The following PLA2G6 variants were observed in gnomAD, a reference collection of about 807,000 sequenced individuals.
PLA2G6 encodes the protein 85/88 kDa calcium-independent phospholipase A2.
Under a neutral mutation model 83.8 loss-of-function variants are expected in PLA2G6, and 62 were observed. The ratio of observed to expected loss-of-function variants is 0.74; its 90% CI spans 0.60 to 0.91. PLA2G6 has a LOEUF of 0.91. Among genes scored for constraint, PLA2G6 ranks in the 40% least tolerant of loss-of-function variants. The pLI is 0.00. For synonymous variants in PLA2G6, 417 were observed against 449.8 expected (o/e 0.93, Z 0.92); for missense variants, 944 against 1,102.0 (o/e 0.86, Z 2.03).
At position 38,145,668 on chromosome 22, in the gene PLA2G6, C is replaced by T; in HGVS notation, c.210-15G>A. On this transcript the variant is annotated splice_polypyrimidine_tract_variant and intron_variant, in intron 2 of 16. Transcript: ENST00000332509. ...GCTGGAAGAGTCTGTAGAGCCAGGA[C>T]AGAGGAGCAAGACCCGAAATGAGTA... The T allele has an allele frequency of 6.3e-7, 1 of 1,588,240 alleles. No individual in the cohort carries two copies. The highest frequency in any genetic ancestry group is 8.6e-7 in the Non-Finnish European group (1 of 1,160,144).
chr22:38,130,317 G>A (rs138544797), intron 7 of PLA2G6: 63 of 155,322 alleles, frequency 4.1e-4, no homozygotes, highest in African/African-American at 1.0e-3. Context: ...TGTTGTTACT[G>A]TTTTGTTTTG....
At chr22:38,155,623 T>C (rs1196841587) in intron 2 of PLA2G6, among the ~76,000 whole-genome samples, 1 of 152,136 alleles carries the variant, frequency 6.6e-6, no homozygotes, top group East Asian at 1.9e-4. Flanking sequence ...AAATATTAGG[T>C]TATAAGATAT....
intron 2 of PLA2G6, among the ~76,000 whole-genome samples, chr22:38,165,396 T>C (rs1430311160): frequency 1.3e-5 from 2 of 151,492 alleles, no homozygotes; most frequent in African/African-American, 2.4e-5. Context: ...AAACTCCTAA[T>C]CCAGCCTGCA....
At chr22:38,115,084 G>A (rs2087108470) in intron 14 of PLA2G6, among the ~76,000 whole-genome samples, 1 of 152,226 alleles carries the variant, frequency 6.6e-6, no homozygotes, top group Non-Finnish European at 1.5e-5. Context: ...AGGGCCTCAG[G>A]ATGGGTCCCC....
At chr22:38,145,784 AACACACACACAC>A (rs132936) in intron 2 of PLA2G6, 131 bp from the exon 3 acceptor site, 576 of 484,160 alleles carry the variant, frequency 1.2e-3, no homozygotes, top group Non-Finnish European at 1.5e-3. Context: ...CTCCCAAGCA[AACACACACACAC>A]ACACACACAC....
Position 38,111,998 on chromosome 22 carries a change from T to C in PLA2G6, c.*163A>G, listed in dbSNP as rs1242158988. 7.5e-6 allele frequency: 6 copies of C among 797,960 alleles called. No individual in the cohort carries two copies. The highest frequency in any genetic ancestry group is 1.2e-5 in the Non-Finnish European group (6 of 485,652). 49.4% of individuals were successfully genotyped at this position (797,960 alleles called of 1,614,324 possible). On this transcript the variant is annotated 3_prime_UTR_variant, in exon 17 of 17. Transcript: ENST00000332509. ...AGGCGGGGTTAGTGGGAGACAGGCCTTCAGGACCAGCCTCGGGCAGGCAGC... is the reference window on the plus strand; with the variant it reads ...AGGCGGGGTTAGTGGGAGACAGGCCCTCAGGACCAGCCTCGGGCAGGCAGC...
In PLA2G6 at chr22:38,115,648, C is replaced by G. The variant is rs769498964; in HGVS notation, c.1913G>C (p.Gly638Ala). Residue 638 changes from glycine to alanine, a missense_variant, in exon 14 of 17, where the codon GGG becomes GCG. Transcript: ENST00000332509. Reference protein sequence around the residue: ...QLVWRAARSSGAAPTYFRPNG... With the variant: ...QLVWRAARSSAAAPTYFRPNG... ...GGGTCGGAAGTAAGTAGGAGCTGCCCCGCTGCTTCGGGCCGCCCGCCACAC... is the reference window on the plus strand; with the variant it reads ...GGGTCGGAAGTAAGTAGGAGCTGCCGCGCTGCTTCGGGCCGCCCGCCACAC... 6.3e-7 allele frequency: 1 copy of G among 1,582,900 alleles called. No individual in the cohort carries two copies. Among genetic ancestry groups the G allele is most frequent in the African/African-American group, 1.3e-5 (1 of 74,428 alleles).
chr22:38,151,006 G>A (rs1336051463), intron 2 of PLA2G6, among the ~76,000 whole-genome samples: 1 of 152,190 alleles, frequency 6.6e-6, no homozygotes, highest in Non-Finnish European at 1.5e-5. Flanking sequence ...AGAATCGCTT[G>A]AACCTGGGAG....
intron 4 of PLA2G6, chr22:38,140,615 T>A (rs1187337452): frequency 9.7e-6 from 2 of 206,844 alleles, no homozygotes; most frequent in African/African-American, 4.7e-5. Context: ...CATTTCTGAG[T>A]CAAGGAACTT....
At chr22:38,140,274 A>T in intron 4 of PLA2G6, 105 bp from the exon 5 acceptor site, 1 of 1,022,386 alleles carries the variant, frequency 9.8e-7, no homozygotes. Flanking sequence ...TTGGGAGGCC[A>T]AGGTGGGTGG....
At chr22:38,177,054 A>G (rs1461390003) in intron 1 of PLA2G6, among the ~76,000 whole-genome samples, 3 of 151,602 alleles carry the variant, frequency 2.0e-5, no homozygotes, top group South Asian at 2.1e-4. Context: ...AAAAAAAAAA[A>G]AAAGAAACAA....
intron 11 of PLA2G6, 121 bp downstream of exon 11, chr22:38,122,974 A>G (rs1335474436): frequency 3.1e-6 from 3 of 980,948 alleles, no homozygotes. Context: ...GCCTCCTCAA[A>G]GTGCTTATAG....
At chr22:38,177,042 CA>C (rs11471646) in intron 1 of PLA2G6, among the ~76,000 whole-genome samples, 165 of 129,322 alleles carry the variant, frequency 1.3e-3, no homozygotes, top group Middle Eastern at 4.1e-3. Flanking sequence ...GAGACTGTCT[CA>C]AAAAAAAAAA....
At chr22:38,114,770 C>G (rs191065433) in intron 14 of PLA2G6, among the ~76,000 whole-genome samples, 1 of 152,222 alleles carries the variant, frequency 6.6e-6, no homozygotes, top group African/African-American at 2.4e-5. Flanking sequence ...CTCAGGCTCC[C>G]GGCAGTGCTG....
intron 2 of PLA2G6, among the ~76,000 whole-genome samples, chr22:38,162,372 G>A (rs1236753916): frequency 6.6e-6 from 1 of 152,086 alleles, no homozygotes; most frequent in Non-Finnish European, 1.5e-5. Flanking sequence ...ATAGGTGAAG[G>A]AGTGACAATG....
chr22:38,113,137 G>T (rs1003647007), intron 15 of PLA2G6, among the ~76,000 whole-genome samples: 3 of 152,156 alleles, frequency 2.0e-5, no homozygotes, highest in African/African-American at 7.2e-5. Context: ...AAACTGCTGT[G>T]CTCAAGTGGT....
chr22:38,167,034 CTGG>C, intron 2 of PLA2G6, among the ~76,000 whole-genome samples: 3 of 151,962 alleles, frequency 2.0e-5, no homozygotes, highest in African/African-American at 7.3e-5. Flanking sequence ...TGAGACCATC[CTGG>C]CTAACATGGT....
At chr22:38,115,760 C>T (rs2145683643) in intron 13 of PLA2G6, 79 bp from the exon 14 acceptor site, 9 of 1,518,734 alleles carry the variant, frequency 5.9e-6, no homozygotes, top group Non-Finnish European at 7.9e-6. Flanking sequence ...TCAGGGTGTG[C>T]GTGTTGGGGG....
intron 10 of PLA2G6, chr22:38,126,135 C>A: frequency 1.6e-6 from 1 of 606,232 alleles, no homozygotes; most frequent in Non-Finnish European, 3.1e-6. Flanking sequence ...CCCACCAAGT[C>A]CAAGAAGCCT....
Sources: gnomAD v4.1 joint callset for allele counts (sites outside exome capture counted in the v4.1 genomes callset) on GRCh38, gnomAD v4.1.1 for gene constraint, MANE v1.5 for transcripts, NCBI Gene and HGNC (gene_info 2026-07-23, HGNC 2026-07-21) for gene names.